FASLG: variants seen among roughly 807,000 people sequenced by gnomAD.
FASLG encodes Fas ligand, also known as tumor necrosis factor ligand superfamily member 6.
In FASLG, 9 loss-of-function variants were observed where a neutral mutation model predicts 24.6. The ratio of observed to expected loss-of-function variants is 0.37; its 90% CI spans 0.22 to 0.64. FASLG has a LOEUF of 0.64. Ranked by LOEUF, FASLG falls within the 30% of genes least tolerant of loss-of-function variation. The probability of loss-of-function intolerance (pLI) is 0.64; values close to 1 mark genes in which losing one functional copy is unlikely to be tolerated. For missense variants in FASLG, 306 were observed against 345.3 expected (o/e 0.89, Z 0.90); for synonymous variants, 130 against 135.5 (o/e 0.96, Z 0.28).
intron 3 of FASLG, 86 bp from the exon 4 acceptor site, chr1:172,665,536 G>C: frequency 6.7e-7 from 1 of 1,489,440 alleles, no homozygotes; most frequent in Non-Finnish European, 9.2e-7. Flanking sequence ...TTTGTTGAAG[G>C]AAGGGCCCAC....
chr1:172,663,116 A>T (rs1659178328), intron 2 of FASLG, among the ~76,000 whole-genome samples: 1 of 152,242 alleles, frequency 6.6e-6, no homozygotes, highest in African/African-American at 2.4e-5. Flanking sequence ...AGTCTCAGTT[A>T]GCTGAATTCA....
At chr1:172,660,485 C>T (rs1176235437) in intron 2 of FASLG, among the ~76,000 whole-genome samples, 1 of 152,182 alleles carries the variant, frequency 6.6e-6, no homozygotes, top group African/African-American at 2.4e-5. Flanking sequence ...GGCACACACG[C>T]CAGTGGCTGT....
In FASLG at chr1:172,659,490, TTG is replaced by T; in HGVS notation, c.290_291del (p.Leu97TrpfsTer42). ...FFMVLVALVG[L>X]GLGMFQLFHL... is the part of the protein sequence containing the mutation. Reference sequence around the variant, plus strand: ...CATGGTTCTGGTTGCCTTGGTAGGATTGGGCCTGGGGATGTTTCAGCTCTTCC... The same window carrying T: ...CATGGTTCTGGTTGCCTTGGTAGGATGGCCTGGGGATGTTTCAGCTCTTCC... On this transcript the variant is annotated frameshift_variant, in exon 1 of 4. Transcript: ENST00000367721. LOFTEE classifies it high-confidence loss of function. The T allele has an allele frequency of 1.2e-6, 2 of 1,614,040 alleles. No homozygotes were observed. The highest frequency in any genetic ancestry group is 1.7e-6 in the Non-Finnish European group (2 of 1,179,984).
chr1:172,662,979 G>T (rs962684287), intron 2 of FASLG, among the ~76,000 whole-genome samples: 1 of 152,126 alleles, frequency 6.6e-6, no homozygotes, highest in Admixed American at 6.6e-5. Flanking sequence ...TGTCTTGGAT[G>T]ACTAGAGAGG....
At chr1:172,663,733 G>A (rs939647648) in intron 2 of FASLG, among the ~76,000 whole-genome samples, 9 of 152,104 alleles carry the variant, frequency 5.9e-5, no homozygotes, top group Non-Finnish European at 1.3e-4. Context: ...AGTGATATGA[G>A]GTGATTGTCA....
At chr1:172,664,520 C>T in intron 3 of FASLG, 130 bp downstream of exon 3, 1 of 854,094 alleles carries the variant, frequency 1.2e-6, no homozygotes, top group Non-Finnish European at 2.0e-6. Context: ...CCCAATAATA[C>T]TAACACTTTT....
chr1:172,665,253 T>C (rs528036475), intron 3 of FASLG, among the ~76,000 whole-genome samples: 11 of 152,244 alleles, frequency 7.2e-5, no homozygotes, highest in Non-Finnish European at 1.5e-5. Context: ...TTCCCAACTT[T>C]AGAACTTTAG....
chr1:172,662,575 A>G (rs1468009629), intron 2 of FASLG, among the ~76,000 whole-genome samples: 3 of 152,148 alleles, frequency 2.0e-5, no homozygotes, highest in African/African-American at 7.2e-5. Context: ...TGTTTACGCT[A>G]ACACCTTGGG....
At position 172,665,782 on chromosome 1, in the gene FASLG, C is replaced by G; in HGVS notation, c.612C>G (p.Asn204Lys). ...ACTTCCGGGGTCAATCTTGCAACAA[C>G]CTGCCCCTGAGCCACAAGGTCTACA... ...KVYFRGQSCN[N>K]LPLSHKVYMR... The change falls in exon 4 of 4, where the codon AAC (asparagine) becomes AAG (lysine). Residue 204 changes from asparagine to lysine, a missense_variant. Transcript: ENST00000367721. The G allele has an allele frequency of 6.2e-7, 1 of 1,614,074 alleles. No individual in the cohort carries two copies. Among genetic ancestry groups the G allele is most frequent in the Non-Finnish European group, 8.5e-7 (1 of 1,180,020 alleles).
In FASLG at chr1:172,666,059, A is replaced by G. The variant is rs1173271391; in HGVS notation, c.*43A>G. Reference sequence around the variant, plus strand: ...TCTTTCCATTATGATTCTTTGTTACAGGCACCGAGAATGTTGTATTCAGTG... The same window carrying G: ...TCTTTCCATTATGATTCTTTGTTACGGGCACCGAGAATGTTGTATTCAGTG... On this transcript the variant is annotated 3_prime_UTR_variant, in exon 4 of 4. Transcript: ENST00000367721. The G allele has an allele frequency of 6.2e-7, 1 of 1,609,776 alleles. No homozygotes were observed.
intron 2 of FASLG, among the ~76,000 whole-genome samples, chr1:172,664,041 A>G (rs1487331164): frequency 6.6e-6 from 1 of 152,226 alleles, no homozygotes; most frequent in Non-Finnish European, 1.5e-5. Flanking sequence ...TCTAAATGCA[A>G]TAACTGACAT....
intron 3 of FASLG, among the ~76,000 whole-genome samples, chr1:172,665,258 C>A (rs1009943100): frequency 6.6e-6 from 1 of 152,202 alleles, no homozygotes; most frequent in Non-Finnish European, 1.5e-5. Context: ...AACTTTAGAA[C>A]TTTAGAGTTC....
chr1:172,661,821 T>C lies in FASLG; in HGVS notation c.394+1681T>C, dbSNP rs1226951784. Among the ~76,000 whole-genome samples the C allele has an allele frequency of 2.0e-5, 3 of 152,182 alleles. No homozygotes were observed. The East Asian group carries it at 5.8e-4, about 29-fold the overall frequency. On this transcript the variant is annotated intron_variant, in intron 2 of 3. Coordinates refer to ENST00000367721, the MANE Select transcript of FASLG (RefSeq NM_000639.3). ...GAGAGAAAAGTGCCTGTGCAAACAT[T>C]AGTTTCAGCCAGTATACATGTAAAT...
chr1:172,661,426 A>T (rs1406288754), intron 2 of FASLG, among the ~76,000 whole-genome samples: 1 of 152,200 alleles, frequency 6.6e-6, no homozygotes, highest in Admixed American at 6.5e-5. Flanking sequence ...GAAAGTCCAT[A>T]TGTACACAAG....
At chr1:172,663,678 C>T (rs780593947) in intron 2 of FASLG, among the ~76,000 whole-genome samples, 8 of 152,058 alleles carry the variant, frequency 5.3e-5, no homozygotes, top group Non-Finnish European at 5.9e-5. Context: ...TACTTGTATA[C>T]GACGGCATCT....
chr1:172,665,674 T>C lies in FASLG; in HGVS notation c.504T>C (p.Ile168=), dbSNP rs1410097968. Residue 168 remains isoleucine (I), a synonymous_variant, in exon 4 of 4, where the codon ATT becomes ATC. Coordinates refer to ENST00000367721, the MANE Select transcript of FASLG (RefSeq NM_000639.3). ...TGGAATGGGAAGACACCTATGGAAT[T>C]GTCCTGCTTTCTGGAGTGAAGTATA... ...MPLEWEDTYG[I]VLLSGVKYKK... 4 of 1,614,078 alleles carry C rather than the reference T, an allele frequency of 2.5e-6. No individual in the cohort carries two copies. The highest frequency in any genetic ancestry group is 4.5e-5 in the East Asian group (2 of 44,902).
Position 172,666,344 on chromosome 1 carries a change from A to G in FASLG, c.*328A>G, listed in dbSNP as rs770997396. ...GGCAGATTGAAAAGGACACCTTTTA[A>G]CTCACCTCTCAAGGTGGGCCTTGCT... On this transcript the variant is annotated 3_prime_UTR_variant, in exon 4 of 4. Coordinates refer to ENST00000367721, the MANE Select transcript of FASLG (RefSeq NM_000639.3). 2.4e-5 allele frequency: 7 copies of G among 289,126 alleles called. No individual in the cohort carries two copies. Among genetic ancestry groups the G allele is most frequent in the African/African-American group, 1.3e-4 (6 of 46,930 alleles). The allele number at this position is 289,126 out of a possible 1,614,324, so 17.9% of individuals were successfully genotyped here.
intron 1 of FASLG, 140 bp from the exon 2 acceptor site, chr1:172,659,955 G>T (rs1659102052): frequency 2.3e-6 from 2 of 877,134 alleles, no homozygotes; most frequent in African/African-American, 1.7e-5. Flanking sequence ...AGGCAAAATT[G>T]CTTGGCCAAA....
chr1:172,661,187 A>C (rs1659129932), intron 2 of FASLG, among the ~76,000 whole-genome samples: 1 of 152,178 alleles, frequency 6.6e-6, no homozygotes, highest in African/African-American at 2.4e-5. Flanking sequence ...ATAGATGAAA[A>C]GCAGGATACC....
Sources: allele counts gnomAD v4.1 joint callset (sites outside exome capture counted in the v4.1 genomes callset), GRCh38; gene constraint gnomAD v4.1.1; transcripts MANE v1.5; gene names NCBI Gene and HGNC (gene_info 2026-07-23, HGNC 2026-07-21).